The following SCAPER variants were observed in gnomAD, a reference collection of about 807,000 sequenced individuals.
SCAPER encodes the protein S phase cyclin A-associated protein in the endoplasmic reticulum.
SCAPER carries 98 observed loss-of-function variants against 182.2 expected under a neutral mutation model. That is an observed-to-expected ratio of 0.54 (90% confidence interval 0.46 to 0.64). SCAPER has a LOEUF of 0.64. Ranked by LOEUF, SCAPER falls within the 30% of genes least tolerant of loss-of-function variation. SCAPER has a pLI of 0.00. For missense variants in SCAPER, 1,432 were observed against 1,690.0 expected (o/e 0.85, Z 2.68); for synonymous variants, 605 against 564.6 (o/e 1.07, Z -1.01).
intron 26 of SCAPER, among the ~76,000 whole-genome samples, chr15:76,406,703 C>G (rs886326613): frequency 2.0e-5 from 3 of 151,860 alleles, no homozygotes; most frequent in Admixed American, 2.0e-4. Flanking sequence ...ATGAATTATC[C>G]CAAGAACACC....
chr15:76,447,918 G>C (rs2048109939), intron 25 of SCAPER, among the ~76,000 whole-genome samples: 1 of 152,136 alleles, frequency 6.6e-6, no homozygotes, highest in East Asian at 1.9e-4. Flanking sequence ...GCAGTGCCTG[G>C]GGAAGGTAAC....
chr15:76,850,209 T>A (rs1263516486), intron 4 of SCAPER, among the ~76,000 whole-genome samples: 1 of 152,122 alleles, frequency 6.6e-6, no homozygotes, highest in African/African-American at 2.4e-5. Context: ...TATGAAACCA[T>A]CCAGAATGGA....
chr15:76,751,919 T>C (rs2062109113), intron 15 of SCAPER, among the ~76,000 whole-genome samples: 1 of 151,630 alleles, frequency 6.6e-6, no homozygotes, highest in African/African-American at 2.4e-5. Context: ...TGTCAAAAGA[T>C]GCTACTGTCA....
chr15:76,724,773 C>T (rs1450939778), intron 17 of SCAPER, among the ~76,000 whole-genome samples: 2 of 152,160 alleles, frequency 1.3e-5, no homozygotes, highest in Non-Finnish European at 2.9e-5. Flanking sequence ...GTTTTCAGCT[C>T]TATCAGGTCC....
intron 2 of SCAPER, among the ~76,000 whole-genome samples, 162 bp from the exon 3 acceptor site, chr15:76,862,695 T>A (rs1568364154): frequency 6.6e-6 from 1 of 152,196 alleles, no homozygotes; most frequent in African/African-American, 2.4e-5. Flanking sequence ...CAAGTCTTTT[T>A]TAGATCTAAA....
chr15:76,702,794 G>A, intron 19 of SCAPER, 56 bp downstream of exon 19: 1 of 1,544,676 alleles, frequency 6.5e-7, no homozygotes, highest in Admixed American at 2.2e-5. Flanking sequence ...TATTTCCATG[G>A]TTTCATAAAC....
intron 26 of SCAPER, among the ~76,000 whole-genome samples, chr15:76,427,629 T>A (rs2142436392): frequency 6.6e-6 from 1 of 152,182 alleles, no homozygotes; most frequent in South Asian, 2.1e-4. Flanking sequence ...GAGGACTGCT[T>A]GAGCCCAGGA....
intron 14 of SCAPER, among the ~76,000 whole-genome samples, chr15:76,757,911 G>A (rs764575176): frequency 6.6e-6 from 1 of 152,144 alleles, no homozygotes; most frequent in South Asian, 2.1e-4. Context: ...CTCCTTTTGA[G>A]AAGTGTCTCT....
intron 27 of SCAPER, among the ~76,000 whole-genome samples, chr15:76,396,721 C>G (rs1333954427): frequency 6.6e-6 from 1 of 152,110 alleles, no homozygotes; most frequent in Non-Finnish European, 1.5e-5. Flanking sequence ...TTGATGGAGT[C>G]TTTAGGTTTT....
At chr15:76,524,667 T>A (rs2043052165) in intron 23 of SCAPER, among the ~76,000 whole-genome samples, 1 of 150,098 alleles carries the variant, frequency 6.7e-6, no homozygotes, top group Admixed American at 6.7e-5. Context: ...TTACAGCTTC[T>A]GGAGTTGTGT....
At chr15:76,845,752 TA>T (rs2070005751) in intron 4 of SCAPER, among the ~76,000 whole-genome samples, 1 of 152,078 alleles carries the variant, frequency 6.6e-6, no homozygotes, top group Admixed American at 6.6e-5. Context: ...TGAATGTTAT[TA>T]AAATGTCCAT....
chr15:76,672,227 G>C (rs2057071532), intron 20 of SCAPER, among the ~76,000 whole-genome samples: 1 of 152,328 alleles, frequency 6.6e-6, no homozygotes, highest in Non-Finnish European at 1.5e-5. Flanking sequence ...AATTGTATAA[G>C]AGGGATCTCT....
intron 4 of SCAPER, among the ~76,000 whole-genome samples, chr15:76,855,306 C>T (rs527277199): frequency 6.6e-6 from 1 of 151,682 alleles, no homozygotes; most frequent in African/African-American, 2.4e-5. Flanking sequence ...AATGTAAAAC[C>T]CAAAACTATA....
chr15:76,586,952 T>C (rs1313186561), intron 22 of SCAPER, among the ~76,000 whole-genome samples: 1 of 152,068 alleles, frequency 6.6e-6, no homozygotes, highest in Admixed American at 6.6e-5. Flanking sequence ...TTTGTTGTTG[T>C]TGATAATTTT....
chr15:76,789,778 T>C (rs562404168), intron 8 of SCAPER, among the ~76,000 whole-genome samples: 6 of 152,230 alleles, frequency 3.9e-5, no homozygotes, highest in African/African-American at 1.2e-4. Context: ...TTTACACTTG[T>C]ACAATTTTTA....
Position 76,799,445 on chromosome 15 carries a change from T to C in SCAPER, c.611+803A>G, listed in dbSNP as rs2065593278. Among the ~76,000 whole-genome samples, 7 of 151,696 alleles carry C rather than the reference T, an allele frequency of 4.6e-5. No homozygotes were observed. The South Asian group carries it at 1.5e-3, about 32-fold the overall frequency. Reference sequence around the variant, plus strand: ...ACATGGCTAATTTTTGTATTTTTAGTAGAGATGGGGTTTTGCCATTTTTGC... The same window carrying C: ...ACATGGCTAATTTTTGTATTTTTAGCAGAGATGGGGTTTTGCCATTTTTGC... On this transcript the variant is annotated intron_variant, in intron 7 of 31. Transcript: ENST00000563290.
intron 15 of SCAPER, among the ~76,000 whole-genome samples, chr15:76,740,301 C>A (rs529463230): frequency 6.6e-6 from 1 of 152,174 alleles, no homozygotes; most frequent in South Asian, 2.1e-4. Flanking sequence ...TAAAGATAAA[C>A]AGTATCTATG....
intron 20 of SCAPER, among the ~76,000 whole-genome samples, chr15:76,687,558 A>G (rs1258950719): frequency 6.6e-6 from 1 of 152,164 alleles, no homozygotes; most frequent in East Asian, 1.9e-4. Flanking sequence ...CATGATCTAC[A>G]TTAGGTATTT....
At chr15:76,566,612 A>G (rs1412620748) in intron 23 of SCAPER, among the ~76,000 whole-genome samples, 1 of 152,148 alleles carries the variant, frequency 6.6e-6, no homozygotes, top group Non-Finnish European at 1.5e-5. Context: ...AGAAAAGTCA[A>G]TGCAAATACA....
Sources: gnomAD v4.1 joint callset for allele counts (sites outside exome capture counted in the v4.1 genomes callset) on GRCh38, gnomAD v4.1.1 for gene constraint, MANE v1.5 for transcripts, NCBI Gene and HGNC (gene_info 2026-07-23, HGNC 2026-07-21) for gene names.